PTGER3: variants seen among roughly 807,000 people sequenced by gnomAD.
PTGER3 encodes prostaglandin E receptor 3.
PTGER3 carries 22 observed loss-of-function variants against 34.7 expected under a neutral mutation model. The observed-to-expected ratio is 0.63, with a 90% CI of 0.45 to 0.91. The LOEUF (loss-of-function observed/expected upper bound fraction) is 0.91. PTGER3 is among the 40% of genes least tolerant of loss of function. PTGER3 has a pLI of 0.00. For missense variants in PTGER3, 468 were observed against 519.4 expected (o/e 0.90, Z 0.96); for synonymous variants, 241 against 230.1 (o/e 1.05, Z -0.43).
intron 4 of PTGER3, among the ~76,000 whole-genome samples, chr1:70,900,705 A>C (rs1399756007): frequency 6.6e-6 from 1 of 152,152 alleles, no homozygotes; most frequent in African/African-American, 2.4e-5. Flanking sequence ...TTTTGAAGGC[A>C]GAAGAGGAAT....
Position 70,897,570 on chromosome 1 carries a change from C to T in PTGER3, c.*24-44711G>A, listed in dbSNP as rs141208949. Among the ~76,000 whole-genome samples, 126 of 152,240 alleles carry T rather than the reference C, an allele frequency of 8.3e-4. 2 individuals carry two copies. Among genetic ancestry groups the T allele is most frequent in the African/African-American group, 2.9e-3 (119 of 41,546 alleles). ...CTGCTGTTTCCATTCTATCAAGCTG[C>T]CTGCCGGTACAACCCACCAAACTGG... On this transcript the variant is annotated intron_variant, in intron 4 of 4. Coordinates refer to the PTGER3 transcript ENST00000370931.
At chr1:70,888,670 T>C (rs1646548802) in intron 4 of PTGER3, among the ~76,000 whole-genome samples, 1 of 152,162 alleles carries the variant, frequency 6.6e-6, no homozygotes, top group African/African-American at 2.4e-5. Context: ...CTGCCTCCCA[T>C]CTCAGGCTTT....
At chr1:70,956,179 T>A (rs954030553) in intron 2 of PTGER3, among the ~76,000 whole-genome samples, 3 of 152,216 alleles carry the variant, frequency 2.0e-5, no homozygotes, top group African/African-American at 7.2e-5. Flanking sequence ...TTTCCTATAA[T>A]GATTTGTATA....
chr1:70,887,254 C>T (rs1572553663), intron 4 of PTGER3, among the ~76,000 whole-genome samples: 1 of 152,120 alleles, frequency 6.6e-6, no homozygotes, highest in African/African-American at 2.4e-5. Context: ...CTCAAGGGGA[C>T]TAAGTGGATA....
chr1:71,026,338 C>T (rs1189008265), intron 1 of PTGER3, among the ~76,000 whole-genome samples: 1 of 152,138 alleles, frequency 6.6e-6, no homozygotes, highest in Non-Finnish European at 1.5e-5. Context: ...GGAAGCAACA[C>T]ATAGGTGGCA....
intron 2 of PTGER3, among the ~76,000 whole-genome samples, chr1:70,986,737 G>A (rs1208447945): frequency 6.6e-6 from 1 of 152,176 alleles, no homozygotes; most frequent in Non-Finnish European, 1.5e-5. Flanking sequence ...GGGTATGTGA[G>A]CTTTCTCCTT....
intron 1 of PTGER3, among the ~76,000 whole-genome samples, chr1:71,024,217 A>G (rs1055944194): frequency 2.0e-5 from 3 of 152,154 alleles, no homozygotes; most frequent in African/African-American, 7.2e-5. Flanking sequence ...CTTTTGAGGC[A>G]TTACAAATGT....
In PTGER3 at chr1:70,979,276, G is replaced by C. The variant is rs567949921; in HGVS notation, c.1078-4888C>G. On this transcript the variant is annotated intron_variant, in intron 2 of 3. Transcript: ENST00000306666. ...TTTTTTATATGCAATGTCTATAAGT[G>C]AGTAGATATTATTTCTATTTTATAG... 7.8e-4 allele frequency among the ~76,000 whole-genome samples: 118 copies of C among 151,676 alleles called. No individual in the cohort carries two copies. The South Asian group carries it at 0.023, about 30-fold the overall frequency.
intron 4 of PTGER3, among the ~76,000 whole-genome samples, chr1:70,934,444 A>G (rs1265994851): frequency 6.6e-6 from 1 of 152,192 alleles, no homozygotes; most frequent in Non-Finnish European, 1.5e-5. Flanking sequence ...TGCTAAGGAA[A>G]TTTAGTTTGG....
Position 71,029,490 on chromosome 1 carries a change from C to G in PTGER3, c.898-17006G>C, listed in dbSNP as rs559597066. 2.0e-5 allele frequency among the ~76,000 whole-genome samples: 3 copies of G among 152,282 alleles called. No homozygotes were observed. The South Asian group carries it at 6.2e-4, about 32-fold the overall frequency. On this transcript the variant is annotated intron_variant, in intron 1 of 3. Transcript: ENST00000306666. Reference sequence around the variant, plus strand: ...TCAATAGAACAAAATGAAATTATATCTGTGAAATGCAATGTGCATAAATTA... The same window carrying G: ...TCAATAGAACAAAATGAAATTATATGTGTGAAATGCAATGTGCATAAATTA...
intron 4 of PTGER3, among the ~76,000 whole-genome samples, chr1:70,900,555 G>A (rs1327464): frequency 0.26 from 39,190 of 152,088 alleles, 5,776 homozygotes; most frequent in Non-Finnish European, 0.34. Context: ...AATTTAGAGC[G>A]GAAAGAGGTT....
chr1:70,868,227 C>A (rs765572423), intron 4 of PTGER3, among the ~76,000 whole-genome samples: 1 of 152,070 alleles, frequency 6.6e-6, no homozygotes, highest in African/African-American at 2.4e-5. Flanking sequence ...TCCACTCAAA[C>A]CTCACCTCCT....
chr1:71,032,660 C>T (rs1394578948), intron 1 of PTGER3, among the ~76,000 whole-genome samples: 2 of 152,106 alleles, frequency 1.3e-5, no homozygotes, highest in African/African-American at 2.4e-5. Flanking sequence ...GTGCTGGCTT[C>T]CATCTTCTAT....
chr1:71,047,622 C>A lies in PTGER3; in HGVS notation c.-45G>T. On this transcript the variant is annotated 5_prime_UTR_variant, in exon 1 of 4. Coordinates refer to ENST00000306666, the MANE Select transcript of PTGER3 (RefSeq NM_198719.2). ...GGGGATGGCGTCCAGAGAGCCGCAG[C>A]GGGAGGGGGCAGACGCGGCGCGGGC... The A allele has an allele frequency of 1.4e-6, 2 of 1,473,816 alleles. No homozygotes were observed. The highest frequency in any genetic ancestry group is 1.8e-6 in the Non-Finnish European group (2 of 1,107,496). The allele number at this position is 1,473,816 out of a possible 1,614,324, so 91.3% of individuals were successfully genotyped here.
At chr1:70,889,802 C>G (rs746895980) in intron 4 of PTGER3, among the ~76,000 whole-genome samples, 10 of 152,002 alleles carry the variant, frequency 6.6e-5, no homozygotes, top group Non-Finnish European at 1.5e-4. Flanking sequence ...AGATCACTGA[C>G]TTCTCTTGAA....
intron 2 of PTGER3, among the ~76,000 whole-genome samples, chr1:70,995,092 G>A (rs1655815043): frequency 6.6e-6 from 1 of 152,178 alleles, no homozygotes; most frequent in South Asian, 2.1e-4. Context: ...ATGTACAAAA[G>A]AGGGAATCAG....
intron 1 of PTGER3, among the ~76,000 whole-genome samples, chr1:71,015,788 C>G (rs1657839538): frequency 6.6e-6 from 1 of 152,170 alleles, no homozygotes; most frequent in Non-Finnish European, 1.5e-5. Context: ...CACGAAAATT[C>G]TTACAAGACT....
At chr1:70,910,545 AT>A (rs1647038466) in intron 4 of PTGER3, among the ~76,000 whole-genome samples, 1 of 152,222 alleles carries the variant, frequency 6.6e-6, no homozygotes, top group African/African-American at 2.4e-5. Flanking sequence ...AGTGACTGGG[AT>A]TACAGGTATG....
chr1:70,943,781 G>A (rs753465942), intron 4 of PTGER3, among the ~76,000 whole-genome samples: 1 of 151,830 alleles, frequency 6.6e-6, no homozygotes, highest in Non-Finnish European at 1.5e-5. Flanking sequence ...TGCGCATTGA[G>A]ATGGAGAGAT....
Sources: gnomAD v4.1 joint callset for allele counts (sites outside exome capture counted in the v4.1 genomes callset) on GRCh38, gnomAD v4.1.1 for gene constraint, MANE v1.5 for transcripts, NCBI Gene and HGNC (gene_info 2026-07-23, HGNC 2026-07-21) for gene names.